CSNK1E: variants seen among roughly 807,000 people sequenced by gnomAD.
CSNK1E encodes casein kinase 1 epsilon.
CSNK1E carries 17 observed loss-of-function variants against 46.1 expected under a neutral mutation model. The observed-to-expected ratio is 0.37, with a 90% confidence interval of 0.25 to 0.55. The LOEUF (loss-of-function observed/expected upper bound fraction) is 0.55. Among genes scored for constraint, CSNK1E ranks in the 20% least tolerant of loss-of-function variants. CSNK1E has a pLI of 0.82. For missense variants in CSNK1E, 386 were observed against 595.4 expected (o/e 0.65, Z 3.66); for synonymous variants, 241 against 242.6 (o/e 0.99, Z 0.06).
chr22:38,303,029 CCT>C lies in CSNK1E; in HGVS notation c.188-22_188-21del, dbSNP rs777083641. ...TCCCCACTGGGGGTCAAGCAGAGGG[CCT>C]CTGTCAGGGGTCAGAGGCAGGCAGC... is the stretch of plus-strand genomic sequence containing the variant. On this transcript the variant is annotated intron_variant, in intron 3 of 10. Transcript: ENST00000396832. The surrounding 1 kb of genome is among the most constrained non-coding windows in gnomAD (Gnocchi z 4.7). The C allele has an allele frequency of 6.3e-7, 1 of 1,588,926 alleles. No homozygotes were observed. Among genetic ancestry groups the C allele is most frequent in the East Asian group, 2.3e-5 (1 of 43,904 alleles).
chr22:38,310,094 A>T (rs1324636311), intron 2 of CSNK1E, among the ~76,000 whole-genome samples: 2 of 152,180 alleles, frequency 1.3e-5, no homozygotes, highest in African/African-American at 4.8e-5. Flanking sequence ...TAGTCCCCAA[A>T]GTCCCTGTGT....
chr22:38,311,543 T>C (rs979119310), intron 2 of CSNK1E, among the ~76,000 whole-genome samples: 2 of 152,194 alleles, frequency 1.3e-5, no homozygotes, highest in East Asian at 3.8e-4. Flanking sequence ...GGAACAAGTC[T>C]GTGCCAAGAG....
Position 38,298,489 on chromosome 22 carries a change from C to T in CSNK1E, c.885+297G>A, listed in dbSNP as rs3788542. On this transcript the variant is annotated intron_variant, in intron 7 of 10. Coordinates refer to ENST00000396832, the MANE Select transcript of CSNK1E (RefSeq NM_152221.3). This position sits in a 1 kb window ranked among gnomAD's most constrained non-coding sequence, Gnocchi z 4.2. The stretch of plus-strand genomic sequence containing the variant: ...CAGCAATCAGGGCAGCAGGGGGCGC[C>T]GCCAGCACCACCCATGCCCTGCTGC... 10,763 of 416,626 alleles carry T rather than the reference C, an allele frequency of 0.026. 361 individuals carry two copies. Among genetic ancestry groups the T allele is most frequent in the East Asian group, 0.078 (1,464 of 18,696 alleles). The allele number at this position is 416,626 out of a possible 1,614,324, so 25.8% of individuals were successfully genotyped here.
At position 38,307,516 on chromosome 22, in the gene CSNK1E, A is replaced by T. The variant is rs2092703676; in HGVS notation, c.77-4268T>A. 2.0e-5 allele frequency among the ~76,000 whole-genome samples: 3 copies of T among 152,178 alleles called. 1 individual carries two copies. The South Asian group carries it at 6.2e-4, about 32-fold the overall frequency. Reference sequence around the variant, plus strand: ...CAGTGAGCCGAGATCACACAACTGCACTCCAGCCTGGCGACACAGCGAGAC... The same window carrying T: ...CAGTGAGCCGAGATCACACAACTGCTCTCCAGCCTGGCGACACAGCGAGAC... On this transcript the variant is annotated intron_variant, in intron 2 of 10. Coordinates refer to ENST00000396832, the MANE Select transcript of CSNK1E (RefSeq NM_152221.3).
In CSNK1E at chr22:38,298,199, GC is replaced by G. The variant is rs1189549750; in HGVS notation, c.885+586del. The G allele has an allele frequency of 2.3e-6, 3 of 1,303,718 alleles. No homozygotes were observed. Among genetic ancestry groups the G allele is most frequent in the Non-Finnish European group, 3.0e-6 (3 of 988,824 alleles). The allele number at this position is 1,303,718 out of a possible 1,614,324, so 80.8% of individuals were successfully genotyped here. On this transcript the variant is annotated intron_variant, in intron 7 of 10. Coordinates refer to ENST00000396832, the MANE Select transcript of CSNK1E (RefSeq NM_152221.3). This position sits in a 1 kb window ranked among gnomAD's most constrained non-coding sequence, Gnocchi z 4.2. ...ACGGGGCTGAGCCTGGCTCGAGGAA[GC>G]CCCCTTTTCCAGAAGAGATGTGAAA...
chr22:38,307,881 A>T (rs944766393), intron 2 of CSNK1E, among the ~76,000 whole-genome samples: 7 of 152,134 alleles, frequency 4.6e-5, no homozygotes, highest in African/African-American at 7.2e-5. Flanking sequence ...TTTTTTGTAG[A>T]CAGGGTTTGC....
At position 38,303,197 on chromosome 22, in the gene CSNK1E, TTCACACAC is replaced by T; in HGVS notation, c.120_127del (p.Cys41AspfsTer31). ...GATGTGCAGCTGGGGGTGCTTTGTCTTCACACACTCCAGCTTGATGGCGACTTCCTCAC... is the reference window on the plus strand; with the variant it reads ...GATGTGCAGCTGGGGGTGCTTTGTCTTCCAGCTTGATGGCGACTTCCTCAC... On this transcript the variant is annotated frameshift_variant, in exon 3 of 11. Coordinates refer to ENST00000396832, the MANE Select transcript of CSNK1E (RefSeq NM_152221.3). LOFTEE classifies it high-confidence loss of function. This position sits in a 1 kb window ranked among gnomAD's most constrained non-coding sequence, Gnocchi z 4.7. The T allele has an allele frequency of 6.2e-7, 1 of 1,610,478 alleles. No homozygotes were observed. Among genetic ancestry groups the T allele is most frequent in the Non-Finnish European group, 8.5e-7 (1 of 1,178,908 alleles).
chr22:38,293,425 C>T (rs985584107), intron 9 of CSNK1E, 106 bp from the exon 10 acceptor site: 3 of 726,786 alleles, frequency 4.1e-6, no homozygotes, highest in African/African-American at 3.5e-5. Flanking sequence ...AGTCTCTCCC[C>T]ACTGAGGAGG....
In CSNK1E at chr22:38,299,981, T is replaced by C. The variant is rs1231433453; in HGVS notation, c.650A>G (p.Lys217Arg). 1 of 1,614,070 alleles carries C rather than the reference T, an allele frequency of 6.2e-7. No individual in the cohort carries two copies. The highest frequency in any genetic ancestry group is 1.3e-5 in the African/African-American group (1 of 74,942). ...NLGSLPWQGL[K>R]AATKRQKYER... ...ATACTTCTGGCGCTTGGTGGCTGCT[T>C]TGAGCCCCTGCCAGGGCAGGGAGCC... Residue 217 changes from lysine to arginine, a missense_variant, in exon 6 of 11, where the codon AAA becomes AGA. Coordinates refer to ENST00000396832, the MANE Select transcript of CSNK1E (RefSeq NM_152221.3).
At position 38,302,945 on chromosome 22, in the gene CSNK1E, C is replaced by G. The variant is rs1682421902; in HGVS notation, c.252G>C (p.Leu84=). Reference sequence around the variant, plus strand: ...ACAGGTCCTCGAGGCTAGGCCCCAGCAGCTCCATGACCATCACGTTGTAGT... The same window carrying G: ...ACAGGTCCTCGAGGCTAGGCCCCAGGAGCTCCATGACCATCACGTTGTAGT... ...EGDYNVMVME[L]LGPSLEDLFN... The change falls in exon 4 of 11, where the codon CTG becomes CTC. Residue 84 remains leucine (L), a synonymous_variant. Transcript: ENST00000396832. 1 of 1,614,050 alleles carries G rather than the reference C, an allele frequency of 6.2e-7. No homozygotes were observed. Among genetic ancestry groups the G allele is most frequent in the Admixed American group, 1.7e-5 (1 of 60,006 alleles).
In CSNK1E at chr22:38,300,016, G is replaced by A. The variant is rs754525242; in HGVS notation, c.615C>T (p.Tyr205=). 11 of 1,614,072 alleles carry A rather than the reference G, an allele frequency of 6.8e-6. No individual in the cohort carries two copies. Among genetic ancestry groups the A allele is most frequent in the African/African-American group, 1.3e-5 (1 of 74,954 alleles). Residue 205 remains tyrosine, a synonymous_variant, in exon 6 of 11, where the codon TAC becomes TAT. Coordinates refer to ENST00000396832, the MANE Select transcript of CSNK1E (RefSeq NM_152221.3). The surrounding 1 kb of genome is among the most constrained non-coding windows in gnomAD (Gnocchi z 4.4). The stretch of plus-strand genomic sequence containing the variant: ...GCCAGGGCAGGGAGCCCAGGTTGAA[G>A]TACATGAGCACGTAGCCCAGGCTCT... ...DLESLGYVLM[Y]FNLGSLPWQG... is the part of the protein sequence containing the mutation.
At chr22:38,299,323 C>A (rs953752563) in intron 6 of CSNK1E, among the ~76,000 whole-genome samples, 1 of 152,202 alleles carries the variant, frequency 6.6e-6, no homozygotes, top group Non-Finnish European at 1.5e-5. Context: ...ACAACCTAAG[C>A]AAGAAGAGGA....
chr22:38,304,848 G>A (rs1358410820), intron 2 of CSNK1E, among the ~76,000 whole-genome samples: 2 of 152,178 alleles, frequency 1.3e-5, no homozygotes, highest in Non-Finnish European at 2.9e-5. Context: ...CCGAGGCCAG[G>A]CACAGTGGCT....
In CSNK1E at chr22:38,298,331, C is replaced by A. The variant is rs2092652150; in HGVS notation, c.885+455G>T. 2 of 628,604 alleles carry A rather than the reference C, an allele frequency of 3.2e-6. No homozygotes were observed. The highest frequency in any genetic ancestry group is 2.0e-5 in the African/African-American group (1 of 49,914). 38.9% of individuals were successfully genotyped at this position (628,604 alleles called of 1,614,324 possible). ...CTCTTAAAAGAGGGAAACAGAACAA[C>A]TGCCTAGCCAGACCCAGGGGCCCAT... On this transcript the variant is annotated intron_variant, in intron 7 of 10. Transcript: ENST00000396832. This position sits in a 1 kb window ranked among gnomAD's most constrained non-coding sequence, Gnocchi z 4.2.
chr22:38,301,043 C>T, intron 4 of CSNK1E, 91 bp from the exon 5 acceptor site: 1 of 1,109,800 alleles, frequency 9.0e-7, no homozygotes. Flanking sequence ...GGTGGAAAGG[C>T]AGAGGGAGAA....
At chr22:38,315,800 C>T (rs2092742369) in intron 1 of CSNK1E, among the ~76,000 whole-genome samples, 1 of 152,158 alleles carries the variant, frequency 6.6e-6, no homozygotes, top group South Asian at 2.1e-4. Flanking sequence ...TATATAAATA[C>T]CCGTGCCCTC....
At position 38,293,294 on chromosome 22, in the gene CSNK1E, C is replaced by T; in HGVS notation, c.1244G>A (p.Gly415Glu). The T allele has an allele frequency of 6.2e-7, 1 of 1,612,734 alleles. No homozygotes were observed. The highest frequency in any genetic ancestry group is 8.5e-7 in the Non-Finnish European group (1 of 1,179,564). Residue 415 changes from glycine to glutamate, a missense_variant, in exon 10 of 11, where the codon GGG becomes GAG. Gly to Glu is a moderately conservative substitution (Grantham distance 98). Around this residue, in one of 2 missense-constraint regions of CSNK1E, gnomAD observed 174 missense variants for 185.2 expected, o/e 0.94. Transcript: ENST00000396832. ...GTCCAATGGGGGCTCTCCTCACTTC[C>T]CGAGATGGTCAAATGGCACACTTGT... ...SQTSVPFDHL[G>E]K
chr22:38,305,338 C>T (rs921242263), intron 2 of CSNK1E, among the ~76,000 whole-genome samples: 1 of 148,182 alleles, frequency 6.7e-6, no homozygotes, highest in African/African-American at 2.5e-5. Context: ...TAAGAAATAA[C>T]AATGAAATGT....
intron 2 of CSNK1E, among the ~76,000 whole-genome samples, chr22:38,313,723 T>C (rs1164090116): frequency 1.3e-5 from 2 of 152,104 alleles, no homozygotes; most frequent in Non-Finnish European, 2.9e-5. Flanking sequence ...CCAAGTCCCT[T>C]CTATCTACCA....
Sources: gnomAD v4.1 joint callset for allele counts (sites outside exome capture counted in the v4.1 genomes callset) on GRCh38, gnomAD v4.1.1 for gene constraint, gnomAD v4.1.1 regional missense constraint, Gnocchi (gnomAD v3.1) non-coding constraint, MANE v1.5 for transcripts, NCBI Gene and HGNC (gene_info 2026-07-23, HGNC 2026-07-21) for gene names.